The following DLG2 variants were observed in gnomAD, a reference collection of about 807,000 sequenced individuals.
DLG2 encodes disks large homolog 2.
In DLG2, 45 loss-of-function variants were observed where a neutral mutation model predicts 132.5. That is an observed-to-expected ratio of 0.34 (90% CI 0.27 to 0.44). DLG2 has a LOEUF of 0.44. Among genes scored for constraint, DLG2 ranks in the 20% least tolerant of loss-of-function variants. The pLI is 1.00. For synonymous variants in DLG2, 424 were observed against 419.6 expected (o/e 1.01, Z -0.13); for missense variants, 1,045 against 1,196.9 (o/e 0.87, Z 1.87).
intron 6 of DLG2, among the ~76,000 whole-genome samples, chr11:84,573,370 A>C (rs967864606): frequency 1.3e-5 from 2 of 152,190 alleles, no homozygotes; most frequent in Non-Finnish European, 2.9e-5. Flanking sequence ...CATTAATGAT[A>C]ATTCAAAGTA....
intron 16 of DLG2, among the ~76,000 whole-genome samples, chr11:83,872,484 G>T (rs2063663855): frequency 6.6e-6 from 1 of 152,110 alleles, no homozygotes. Context: ...TGGGACAATA[G>T]ATCACTATGA....
chr11:83,872,027 A>G (rs538239425), intron 16 of DLG2, among the ~76,000 whole-genome samples: 2 of 152,170 alleles, frequency 1.3e-5, no homozygotes, highest in Admixed American at 6.5e-5. Flanking sequence ...GCACTTTGGG[A>G]GGCTGGGGCG....
At chr11:84,343,094 G>A (rs1319728800) in intron 7 of DLG2, among the ~76,000 whole-genome samples, 1 of 152,184 alleles carries the variant, frequency 6.6e-6, no homozygotes, top group African/African-American at 2.4e-5. Context: ...CAAGTAATGT[G>A]GGAACATGGG....
intron 3 of DLG2, among the ~76,000 whole-genome samples, chr11:85,298,301 T>G (rs1041771906): frequency 3.3e-5 from 5 of 152,130 alleles, no homozygotes; most frequent in Non-Finnish European, 7.4e-5. Flanking sequence ...TAAATATAGA[T>G]ATTAATATAG....
At chr11:84,944,917 T>C (rs769960395) in intron 6 of DLG2, among the ~76,000 whole-genome samples, 1 of 152,224 alleles carries the variant, frequency 6.6e-6, no homozygotes, top group Non-Finnish European at 1.5e-5. Flanking sequence ...TAAGTTTATC[T>C]GGTAGGATTC....
chr11:84,961,815 A>G (rs2052623543), intron 6 of DLG2, among the ~76,000 whole-genome samples: 1 of 152,182 alleles, frequency 6.6e-6, no homozygotes, highest in Non-Finnish European at 1.5e-5. Flanking sequence ...AGACAAAACT[A>G]AAAGGTCTGT....
At chr11:84,610,699 A>G (rs2099593857) in intron 6 of DLG2, among the ~76,000 whole-genome samples, 1 of 152,030 alleles carries the variant, frequency 6.6e-6, no homozygotes, top group Non-Finnish European at 1.5e-5. Flanking sequence ...GGCCTTGCCA[A>G]TCCTGACTTT....
At chr11:84,504,671 A>C (rs1457274144) in intron 7 of DLG2, among the ~76,000 whole-genome samples, 2 of 152,162 alleles carry the variant, frequency 1.3e-5, no homozygotes, top group African/African-American at 4.8e-5. Flanking sequence ...CTTCTTAAAA[A>C]GCCATTTTTA....
rs1198243437 is a variant in DLG2, at chr11:85,627,260, T to C, written c.-302A>G. ...ATCCAGCTTGCTGTCCCTTTCATTT[T>C]TTTCTTCTGTGCTCTCCAAGCCCCC... On this transcript the variant is annotated 5_prime_UTR_variant, in exon 1 of 28. Transcript: ENST00000376104. 6.6e-6 allele frequency: 1 copy of C among 152,216 alleles called. No individual in the cohort carries two copies. The highest frequency in any genetic ancestry group is 1.5e-5 in the Non-Finnish European group (1 of 68,066). The allele number at this position is 152,216 out of a possible 1,614,324, so 9.4% of individuals were successfully genotyped here. A position where few individuals can be genotyped will look rare whatever the true frequency, so the allele number is the denominator to read the frequency against.
At chr11:84,016,295 T>C (rs773285344) in intron 11 of DLG2, among the ~76,000 whole-genome samples, 21 of 152,156 alleles carry the variant, frequency 1.4e-4, no homozygotes, top group Non-Finnish European at 2.5e-4. Flanking sequence ...GTTAGATAGA[T>C]AGATTGTAAA....
At chr11:84,493,954 A>T (rs891555190) in intron 7 of DLG2, among the ~76,000 whole-genome samples, 28 of 152,160 alleles carry the variant, frequency 1.8e-4, no homozygotes, top group African/African-American at 6.8e-4. Flanking sequence ...GAGCTTTGTC[A>T]TAGTGTAACA....
At chr11:84,370,766 A>T (rs990771918) in intron 7 of DLG2, among the ~76,000 whole-genome samples, 1 of 152,142 alleles carries the variant, frequency 6.6e-6, no homozygotes, top group African/African-American at 2.4e-5. Flanking sequence ...GGCGTTCAAG[A>T]AATTATTGGT....
intron 19 of DLG2, among the ~76,000 whole-genome samples, chr11:83,619,705 G>A (rs1472459510): frequency 1.3e-5 from 2 of 152,162 alleles, no homozygotes; most frequent in African/African-American, 4.8e-5. Flanking sequence ...GAGGAAAGGG[G>A]CAGGAACACA....
intron 7 of DLG2, among the ~76,000 whole-genome samples, chr11:84,355,255 GATT>G (rs1050920467): frequency 3.2e-4 from 49 of 152,204 alleles, no homozygotes; most frequent in African/African-American, 1.1e-3. Context: ...GGAGGAAAGA[GATT>G]ATATGAAGGC....
chr11:85,025,322 C>A (rs1166186952), intron 6 of DLG2, among the ~76,000 whole-genome samples: 1 of 152,158 alleles, frequency 6.6e-6, no homozygotes, highest in Non-Finnish European at 1.5e-5. Context: ...TGACATCTGG[C>A]CTCAGGCTCT....
chr11:83,590,323 A>G (rs2097166024), intron 19 of DLG2, among the ~76,000 whole-genome samples: 2 of 152,256 alleles, frequency 1.3e-5, no homozygotes, highest in Admixed American at 1.3e-4. Context: ...ACTAGAACTC[A>G]GGATGAAGAA....
intron 15 of DLG2, among the ~76,000 whole-genome samples, chr11:83,911,463 G>A (rs1038208410): frequency 6.6e-6 from 1 of 151,036 alleles, no homozygotes. Context: ...ATGAACTAAG[G>A]TTTTTTTTTC....
At chr11:84,363,237 G>C (rs1399918505) in intron 7 of DLG2, among the ~76,000 whole-genome samples, 1 of 152,056 alleles carries the variant, frequency 6.6e-6, no homozygotes, top group Non-Finnish European at 1.5e-5. Flanking sequence ...TTGTGGTTTT[G>C]ATTTGCATTT....
At chr11:85,176,111 T>G (rs962472931) in intron 4 of DLG2, among the ~76,000 whole-genome samples, 1 of 152,130 alleles carries the variant, frequency 6.6e-6, no homozygotes, top group Non-Finnish European at 1.5e-5. Context: ...TAGAAGTAAC[T>G]GTTTTAAAAT....
Sources: allele counts gnomAD v4.1 joint callset (sites outside exome capture counted in the v4.1 genomes callset), GRCh38; gene constraint gnomAD v4.1.1; transcripts MANE v1.5; gene names NCBI Gene and HGNC (gene_info 2026-07-23, HGNC 2026-07-21).